DTNB: variants seen among roughly 807,000 people sequenced by gnomAD.
DTNB encodes dystrobrevin beta.
A neutral mutation model predicts 90.7 loss-of-function variants in DTNB; 63 were observed. The ratio of observed to expected loss-of-function variants is 0.69; its 90% confidence interval spans 0.57 to 0.86. The LOEUF (loss-of-function observed/expected upper bound fraction) is 0.86, where lower values mean the gene tolerates loss of function less well. Among genes scored for constraint, DTNB ranks in the 40% least tolerant of loss-of-function variants. The pLI, the probability that DTNB is intolerant of heterozygous loss-of-function variation, is 0.00. For missense variants in DTNB, 744 were observed against 807.1 expected, an observed-to-expected ratio of 0.92 and a Z score of 0.95; for synonymous variants, 277 against 286.7, an observed-to-expected ratio of 0.97 and a Z score of 0.34.
intron 18 of DTNB, chr2:25,386,065 A>T (rs2039379886): frequency 2.3e-5 from 23 of 985,328 alleles, no homozygotes; most frequent in African/African-American, 3.5e-5. Context: ...TCTTCTGTTT[A>T]TGTGTACAGA....
intron 16 of DTNB, among the ~76,000 whole-genome samples, chr2:25,409,633 C>G (rs2046113910): frequency 6.6e-6 from 1 of 152,188 alleles, no homozygotes; most frequent in South Asian, 2.1e-4. Context: ...CATTTTCTTT[C>G]CTAAGTTGCT....
intron 5 of DTNB, among the ~76,000 whole-genome samples, chr2:25,597,197 G>A (rs1210066519): frequency 1.3e-5 from 2 of 152,066 alleles, no homozygotes; most frequent in Middle Eastern, 3.2e-3. Context: ...CAGGCATAGT[G>A]GTGTGCACCT....
chr2:25,555,102 C>T (rs1294942886), intron 8 of DTNB, among the ~76,000 whole-genome samples: 1 of 151,930 alleles, frequency 6.6e-6, no homozygotes, highest in African/African-American at 2.4e-5. Context: ...CGAGACCATC[C>T]TGGCTAACAC....
At chr2:25,502,288 T>C (rs774322692) in intron 9 of DTNB, among the ~76,000 whole-genome samples, 2 of 152,096 alleles carry the variant, frequency 1.3e-5, no homozygotes, top group African/African-American at 2.4e-5. Context: ...GAGAATCAGA[T>C]TGCCATCAGC....
chr2:25,534,007 T>G lies in DTNB; in HGVS notation c.877-2410A>C, dbSNP rs541639438. Among the ~76,000 whole-genome samples the G allele has an allele frequency of 1.4e-4, 22 of 152,136 alleles. No individual in the cohort carries two copies. The South Asian group carries it at 4.4e-3, about 30-fold the overall frequency. On this transcript the variant is annotated intron_variant, in intron 8 of 20. Transcript: ENST00000406818. ...CAGCGTTTATTTTTTTTTTAATTTTTTTTTAAGTATTTATTGATCATTCTT... is the reference window on the plus strand; with the variant it reads ...CAGCGTTTATTTTTTTTTTAATTTTGTTTTAAGTATTTATTGATCATTCTT...
At chr2:25,525,485 A>C (rs767395774) in intron 9 of DTNB, among the ~76,000 whole-genome samples, 1 of 152,026 alleles carries the variant, frequency 6.6e-6, no homozygotes, top group Non-Finnish European at 1.5e-5. Context: ...AAAAATATAA[A>C]ATTAGCTGGG....
intron 11 of DTNB, among the ~76,000 whole-genome samples, chr2:25,454,503 G>A (rs555809931): frequency 1.4e-4 from 21 of 152,154 alleles, no homozygotes; most frequent in Non-Finnish European, 2.5e-4. Flanking sequence ...CAAGTTGTTT[G>A]GCACTGTGAT....
At chr2:25,610,786 T>C (rs1222049307) in intron 4 of DTNB, among the ~76,000 whole-genome samples, 1 of 152,070 alleles carries the variant, frequency 6.6e-6, no homozygotes, top group Non-Finnish European at 1.5e-5. Context: ...CTTGGCTCAC[T>C]GTAACTTCCA....
intron 7 of DTNB, among the ~76,000 whole-genome samples, chr2:25,579,610 G>A (rs950434495): frequency 6.6e-6 from 1 of 151,782 alleles, no homozygotes; most frequent in African/African-American, 2.4e-5. Context: ...AAGTCACTAA[G>A]AGATAAGTAC....
chr2:25,615,859 G>A (rs151034916), intron 4 of DTNB, among the ~76,000 whole-genome samples: 30 of 152,266 alleles, frequency 2.0e-4, no homozygotes, highest in African/African-American at 7.0e-4. Context: ...CCTCAATAAG[G>A]TATGAGAATA....
At chr2:25,540,804 G>A (rs1314706546) in intron 8 of DTNB, among the ~76,000 whole-genome samples, 5 of 152,004 alleles carry the variant, frequency 3.3e-5, no homozygotes, top group African/African-American at 1.2e-4. Context: ...GATTAAGGGC[G>A]GTGCAAGATG....
At chr2:25,450,970 A>G (rs1444535496) in intron 12 of DTNB, among the ~76,000 whole-genome samples, 1 of 151,970 alleles carries the variant, frequency 6.6e-6, no homozygotes, top group African/African-American at 2.4e-5. Flanking sequence ...ACACCTGGCT[A>G]ATTTTTGTAT....
intron 16 of DTNB, among the ~76,000 whole-genome samples, chr2:25,398,345 G>C (rs1374875428): frequency 6.6e-6 from 1 of 152,222 alleles, no homozygotes; most frequent in Admixed American, 6.5e-5. Context: ...CTCCTGGGCA[G>C]GTGTTATTTC....
chr2:25,410,637 T>A (rs1333204334), intron 16 of DTNB, among the ~76,000 whole-genome samples: 1 of 152,098 alleles, frequency 6.6e-6, no homozygotes, highest in Non-Finnish European at 1.5e-5. Flanking sequence ...TATTCAAACT[T>A]TATCAGGTCC....
At chr2:25,593,834 C>A (rs2064034960) in intron 6 of DTNB, among the ~76,000 whole-genome samples, 1 of 152,152 alleles carries the variant, frequency 6.6e-6, no homozygotes, top group Non-Finnish European at 1.5e-5. Flanking sequence ...TAACTGTCAT[C>A]CATTTCTCAG....
chr2:25,589,715 C>T (rs1421222845), intron 6 of DTNB, among the ~76,000 whole-genome samples: 2 of 152,086 alleles, frequency 1.3e-5, no homozygotes, highest in East Asian at 1.9e-4. Context: ...TTAAAAATTC[C>T]GTGCAAGGTG....
At chr2:25,529,447 G>A (rs2077733571) in intron 9 of DTNB, among the ~76,000 whole-genome samples, 1 of 151,874 alleles carries the variant, frequency 6.6e-6, no homozygotes, top group Non-Finnish European at 1.5e-5. Flanking sequence ...CCACTATAAT[G>A]TTGAGAGGCA....
chr2:25,589,990 T>C (rs2148332881), intron 6 of DTNB, among the ~76,000 whole-genome samples: 1 of 152,254 alleles, frequency 6.6e-6, no homozygotes, highest in Non-Finnish European at 1.5e-5. Context: ...CCAGCTGCAG[T>C]GGGGCAGGCA....
intron 10 of DTNB, among the ~76,000 whole-genome samples, chr2:25,479,687 A>T (rs2064514151): frequency 6.6e-6 from 1 of 152,176 alleles, no homozygotes; most frequent in Non-Finnish European, 1.5e-5. Context: ...CATTCAGATC[A>T]TCTTTTATTT....
Sources: gnomAD v4.1 joint callset for allele counts (sites outside exome capture counted in the v4.1 genomes callset) on GRCh38, gnomAD v4.1.1 for gene constraint, MANE v1.5 for transcripts, NCBI Gene and HGNC (gene_info 2026-07-23, HGNC 2026-07-21) for gene names.